Variants in SLC22A23 observed in about 807,000 individuals in gnomAD.
SLC22A23 encodes the protein solute carrier family 22 member 23.
In SLC22A23, 26 loss-of-function variants were observed where a neutral mutation model predicts 61.0. The ratio of observed to expected loss-of-function variants is 0.43; its 90% CI spans 0.31 to 0.59. The LOEUF is 0.59. Ranked by LOEUF, SLC22A23 falls within the 20% of genes least tolerant of loss-of-function variation. SLC22A23 has a pLI of 0.11. For synonymous variants in SLC22A23, 430 were observed against 413.9 expected (o/e 1.04, Z -0.47); for missense variants, 796 against 934.7 (o/e 0.85, Z 1.94).
At position 3,327,818 on chromosome 6, in the gene SLC22A23, C is replaced by A. The variant is rs1763366344; in HGVS notation, c.914-3816G>T. 6.6e-6 allele frequency among the ~76,000 whole-genome samples: 1 copy of A among 152,136 alleles called. No individual in the cohort carries two copies. Among genetic ancestry groups the A allele is most frequent in the Non-Finnish European group, 1.5e-5 (1 of 68,036 alleles). On this transcript the variant is annotated intron_variant, in intron 3 of 9. Coordinates refer to ENST00000406686, the MANE Select transcript of SLC22A23 (RefSeq NM_015482.2). This position sits in a 1 kb window ranked among gnomAD's most constrained non-coding sequence, Gnocchi z 4.1. ...AAATTCATTTATGTTTCATATAAAT[C>A]TTATATACATAGCCTGAAGGTAATT...
Position 3,390,386 on chromosome 6 carries a change from A to G in SLC22A23, c.913+19802T>C, listed in dbSNP as rs561142799. ...ATCCTGCATCCCTCTTCTCTGCCCC[A>G]CTCTCCCTCTCTCCTCCCTCCCCAA... On this transcript the variant is annotated intron_variant, in intron 3 of 9. Transcript: ENST00000406686. This position sits in a 1 kb window ranked among gnomAD's most constrained non-coding sequence, Gnocchi z 4.0. 1.4e-3 allele frequency among the ~76,000 whole-genome samples: 219 copies of G among 151,614 alleles called. No homozygotes were observed. Among genetic ancestry groups the G allele is most frequent in the Middle Eastern group, 3.4e-3 (1 of 294 alleles).
chr6:3,294,144 T>C (rs973289963), intron 5 of SLC22A23, among the ~76,000 whole-genome samples: 5 of 152,282 alleles, frequency 3.3e-5, no homozygotes, highest in Admixed American at 3.3e-4. Flanking sequence ...GCCCGTTCTG[T>C]TCCTGTAAAG....
Position 3,342,220 on chromosome 6 carries a change from A to G in SLC22A23, c.914-18218T>C, listed in dbSNP as rs1241914098. Among the ~76,000 whole-genome samples, 1 of 152,216 alleles carries G rather than the reference A, an allele frequency of 6.6e-6. No homozygotes were observed. Among genetic ancestry groups the G allele is most frequent in the African/African-American group, 2.4e-5 (1 of 41,456 alleles). ...GTTTTGTTTCAAGATGGAAGCCTCA[A>G]TTTGAAATCCAGCCCAATGTGGTTT... On this transcript the variant is annotated intron_variant, in intron 3 of 9. Transcript: ENST00000406686. The surrounding 1 kb of genome is among the most constrained non-coding windows in gnomAD (Gnocchi z 4.0).
At chr6:3,284,005 G>A in intron 8 of SLC22A23, 30 bp from the exon 9 acceptor site, 1 of 1,582,824 alleles carries the variant, frequency 6.3e-7, no homozygotes. Flanking sequence ...AGGTGGTGAG[G>A]GAAGAGAGGA....
chr6:3,349,677 C>T (rs535037475), intron 3 of SLC22A23, among the ~76,000 whole-genome samples: 5 of 152,332 alleles, frequency 3.3e-5, no homozygotes, highest in Admixed American at 1.3e-4. Context: ...ATTGAATACT[C>T]AACCACCCAA....
rs145897910 is a variant in SLC22A23, at chr6:3,431,215, T to TG, written c.655-15361dup. Among the ~76,000 whole-genome samples the TG allele has an allele frequency of 7.7e-3, 1,166 of 152,364 alleles. 7 individuals carry two copies. The highest frequency in any genetic ancestry group is 0.012 in the Non-Finnish European group (839 of 68,030). ...GTGAGATGGGCGTGGGGGCAGGTCC[T>TG]GTGAGGACACACCCTGCACCCATGT... On this transcript the variant is annotated intron_variant, in intron 1 of 9. Coordinates refer to ENST00000406686, the MANE Select transcript of SLC22A23 (RefSeq NM_015482.2).
intron 1 of SLC22A23, among the ~76,000 whole-genome samples, chr6:3,420,823 G>A (rs1212050012): frequency 3.9e-5 from 6 of 152,130 alleles, no homozygotes; most frequent in African/African-American, 1.4e-4. Flanking sequence ...TAATGAAGAC[G>A]GCCAGGTGCA....
chr6:3,364,103 C>T (rs1047869785), intron 3 of SLC22A23, among the ~76,000 whole-genome samples: 2 of 152,204 alleles, frequency 1.3e-5, no homozygotes, highest in African/African-American at 4.8e-5. Flanking sequence ...GGCACTTTCA[C>T]GAACCTCTTT....
chr6:3,397,519 G>C (rs532776621), intron 3 of SLC22A23, among the ~76,000 whole-genome samples: 1 of 152,080 alleles, frequency 6.6e-6, no homozygotes, highest in Admixed American at 6.5e-5. Flanking sequence ...CTGTAAAATG[G>C]GGCTATTTGT....
At chr6:3,405,558 T>C (rs980926776) in intron 3 of SLC22A23, among the ~76,000 whole-genome samples, 7 of 151,782 alleles carry the variant, frequency 4.6e-5, no homozygotes, top group African/African-American at 1.7e-4. Context: ...ATCGGCAATC[T>C]CCATTCTCTT....
rs1027911406 is a variant in SLC22A23 at position 3,414,791 on chromosome 6, G to A, written c.758+961C>T. ...TAAGCTGGGGAGACAGTTACACTAC[G>A]CCTCTCTCCTGAGCAATCTCGCTAC... is the stretch of plus-strand genomic sequence containing the variant. On this transcript the variant is annotated intron_variant, in intron 2 of 9. Coordinates refer to ENST00000406686, the MANE Select transcript of SLC22A23 (RefSeq NM_015482.2). The surrounding 1 kb of genome is among the most constrained non-coding windows in gnomAD (Gnocchi z 5.1). Among the ~76,000 whole-genome samples, 12 of 147,894 alleles carry A rather than the reference G, an allele frequency of 8.1e-5. No homozygotes were observed. In the South Asian group the frequency reaches 8.7e-4, roughly 11 times the overall value.
At chr6:3,379,681 G>A (rs1766828948) in intron 3 of SLC22A23, among the ~76,000 whole-genome samples, 3 of 151,802 alleles carry the variant, frequency 2.0e-5, no homozygotes, top group South Asian at 2.1e-4. Flanking sequence ...GACTACCCTC[G>A]CTTCATATCA....
intron 3 of SLC22A23, among the ~76,000 whole-genome samples, chr6:3,338,903 C>T (rs959530452): frequency 6.6e-6 from 1 of 152,198 alleles, no homozygotes; most frequent in African/African-American, 2.4e-5. Flanking sequence ...TCCATCAACA[C>T]TGACCAGATG....
chr6:3,273,665 T>G (rs1176354650), intron 9 of SLC22A23, among the ~76,000 whole-genome samples: 5 of 152,252 alleles, frequency 3.3e-5, no homozygotes, highest in Admixed American at 1.3e-4. Flanking sequence ...CTTTAATGTT[T>G]CCTATTTTTA....
At chr6:3,381,958 T>C (rs1766981460) in intron 3 of SLC22A23, among the ~76,000 whole-genome samples, 1 of 152,170 alleles carries the variant, frequency 6.6e-6, no homozygotes, top group African/African-American at 2.4e-5. Context: ...CCCAGGCCCA[T>C]GCTCTTTCCC....
intron 3 of SLC22A23, among the ~76,000 whole-genome samples, chr6:3,336,088 C>CA (rs774382213): frequency 0.093 from 12,922 of 138,536 alleles, 1,824 homozygotes; most frequent in African/African-American, 0.31. Context: ...GACTCCATCT[C>CA]AAAAAAAAAA....
rs982093410 is a variant in SLC22A23 at position 3,427,820 on chromosome 6, A to T, written c.655-11965T>A. Reference sequence around the variant, plus strand: ...ATTTTCTTCCTTTGAACTAACTATTAATCTTCTAAAAACACCGTGCCAAAC... The same window carrying T: ...ATTTTCTTCCTTTGAACTAACTATTTATCTTCTAAAAACACCGTGCCAAAC... On this transcript the variant is annotated intron_variant, in intron 1 of 9. Transcript: ENST00000406686. This position sits in a 1 kb window ranked among gnomAD's most constrained non-coding sequence, Gnocchi z 4.3. Among the ~76,000 whole-genome samples, 1 of 152,040 alleles carries T rather than the reference A, an allele frequency of 6.6e-6. No homozygotes were observed. Among genetic ancestry groups the T allele is most frequent in the Admixed American group, 6.5e-5 (1 of 15,280 alleles).
chr6:3,297,937 T>C lies in SLC22A23; in HGVS notation c.1210+154A>G, dbSNP rs552109887. Reference sequence around the variant, plus strand: ...CAACACCTAGAAAATGGAGAGAATGTCAAGGTTGCCACATTGCCCTTGTGC... The same window carrying C: ...CAACACCTAGAAAATGGAGAGAATGCCAAGGTTGCCACATTGCCCTTGTGC... On this transcript the variant is annotated intron_variant, in intron 5 of 9. Transcript: ENST00000406686. This position sits in a 1 kb window ranked among gnomAD's most constrained non-coding sequence, Gnocchi z 4.3. Among the ~76,000 whole-genome samples, 2 of 152,282 alleles carry C rather than the reference T, an allele frequency of 1.3e-5. No homozygotes were observed. Among genetic ancestry groups the C allele is most frequent in the South Asian group, 4.1e-4 (2 of 4,822 alleles).
intron 1 of SLC22A23, among the ~76,000 whole-genome samples, chr6:3,445,744 A>G (rs1240255201): frequency 6.6e-6 from 1 of 152,126 alleles, no homozygotes; most frequent in African/African-American, 2.4e-5. Flanking sequence ...GTGGAATAGC[A>G]TGAGCAAGGC....
Sources: allele counts gnomAD v4.1 joint callset (sites outside exome capture counted in the v4.1 genomes callset), GRCh38; gene constraint gnomAD v4.1.1; non-coding constraint Gnocchi (gnomAD v3.1); transcripts MANE v1.5; gene names NCBI Gene and HGNC (gene_info 2026-07-23, HGNC 2026-07-21).